The following PAX5 variants were observed in gnomAD, a reference collection of about 807,000 sequenced individuals.
PAX5 encodes paired box protein Pax-5.
PAX5 carries 9 observed loss-of-function variants against 43.7 expected under a neutral mutation model. The ratio of observed to expected loss-of-function variants is 0.21; its 90% confidence interval spans 0.12 to 0.36. The LOEUF is 0.36. Among genes scored for constraint, PAX5 ranks in the 10% least tolerant of loss-of-function variants. The probability of loss-of-function intolerance (pLI) is 1.00; values close to 1 mark genes in which losing one functional copy is unlikely to be tolerated. For synonymous variants in PAX5, 228 were observed against 214.3 expected, an observed-to-expected ratio of 1.06 and a Z score of -0.56; for missense variants, 383 against 532.7, an observed-to-expected ratio of 0.72 and a Z score of 2.77.
At chr9:37,004,337 G>A (rs1017855112) in intron 4 of PAX5, among the ~76,000 whole-genome samples, 2 of 152,334 alleles carry the variant, frequency 1.3e-5, no homozygotes, top group South Asian at 4.1e-4. Flanking sequence ...CCATTTCTGG[G>A]CTGTGGGAAT....
intron 7 of PAX5, among the ~76,000 whole-genome samples, chr9:36,888,347 A>C (rs185357450): frequency 2.8e-4 from 42 of 152,386 alleles, no homozygotes; most frequent in African/African-American, 9.4e-4. Flanking sequence ...CATGATAGCC[A>C]AAAAGTGGAA....
chr9:37,015,239 A>G lies in PAX5; in HGVS notation c.213-45T>C. On this transcript the variant is annotated intron_variant, in intron 2 of 9. Coordinates refer to ENST00000358127, the MANE Select transcript of PAX5 (RefSeq NM_016734.3). The surrounding 1 kb of genome is among the most constrained non-coding windows in gnomAD (Gnocchi z 4.4). ...AAGCTTAGCCATGAGGAACCAGTAA[A>G]GTGGATATTGGCAACAAAATAACGG... 1 of 1,549,252 alleles carries G rather than the reference A, an allele frequency of 6.5e-7. No individual in the cohort carries two copies. Among genetic ancestry groups the G allele is most frequent in the Non-Finnish European group, 8.9e-7 (1 of 1,121,948 alleles).
At chr9:36,893,862 C>T (rs767704884) in intron 7 of PAX5, among the ~76,000 whole-genome samples, 7 of 152,184 alleles carry the variant, frequency 4.6e-5, no homozygotes, top group Non-Finnish European at 5.9e-5. Context: ...AGGACGGTGA[C>T]GGTATGTCAC....
At chr9:36,900,652 C>A (rs534858596) in intron 7 of PAX5, among the ~76,000 whole-genome samples, 1 of 152,286 alleles carries the variant, frequency 6.6e-6, no homozygotes, top group South Asian at 2.1e-4. Flanking sequence ...GCGTCCTCCT[C>A]CATGGCGTCC....
At chr9:36,854,383 T>C (rs991349755) in intron 8 of PAX5, among the ~76,000 whole-genome samples, 4 of 152,182 alleles carry the variant, frequency 2.6e-5, no homozygotes, top group African/African-American at 9.7e-5. Context: ...TACGTAATAA[T>C]ATGTATAATA....
At chr9:37,000,529 C>T (rs1837755201) in intron 5 of PAX5, among the ~76,000 whole-genome samples, 2 of 152,176 alleles carry the variant, frequency 1.3e-5, no homozygotes, top group Non-Finnish European at 2.9e-5. Context: ...TAGGCAGGCA[C>T]ATCACTTGAA....
chr9:37,022,623 G>A (rs1379182067), intron 1 of PAX5, among the ~76,000 whole-genome samples: 1 of 152,144 alleles, frequency 6.6e-6, no homozygotes, highest in Non-Finnish European at 1.5e-5. Context: ...GAGACTTTCT[G>A]CCCAAAACAC....
intron 7 of PAX5, among the ~76,000 whole-genome samples, chr9:36,901,900 G>T (rs561032515): frequency 6.6e-6 from 1 of 152,274 alleles, no homozygotes; most frequent in South Asian, 2.1e-4. Context: ...TGTAGAGAGT[G>T]GTGCACATGC....
In PAX5 at chr9:36,846,895, A is replaced by T. The variant is rs2131591651; in HGVS notation, c.1047T>A (p.Pro349=). ...SEFSGSPYSH[P]QYSSYNDSWR... ...AGGAGTCGTTGTACGAGGAATACTG[A>T]GGGTGGCTGTAGGGACTCCCGGAAA... The change falls in exon 9 of 10, where the codon CCT becomes CCA. Residue 349 remains proline (P), a synonymous_variant. Transcript: ENST00000358127. The T allele has an allele frequency of 1.2e-6, 2 of 1,614,064 alleles. No individual in the cohort carries two copies. Among genetic ancestry groups the T allele is most frequent in the South Asian group, 1.1e-5 (1 of 91,074 alleles).
intron 5 of PAX5, among the ~76,000 whole-genome samples, chr9:36,983,985 A>C (rs1376340151): frequency 2.6e-5 from 4 of 152,210 alleles, no homozygotes; most frequent in African/African-American, 7.2e-5. Flanking sequence ...TTGATCATGA[A>C]TAGTAAAAGC....
chr9:37,031,315 TAC>T (rs957451647), intron 1 of PAX5, among the ~76,000 whole-genome samples: 22 of 152,212 alleles, frequency 1.4e-4, no homozygotes, highest in Admixed American at 2.6e-4. Flanking sequence ...GTTTGTTTAA[TAC>T]AGAGAACAAA....
At position 37,015,808 on chromosome 9, in the gene PAX5, G is replaced by T. The variant is rs60309871; in HGVS notation, c.213-614C>A. On this transcript the variant is annotated intron_variant, in intron 2 of 9. Coordinates refer to ENST00000358127, the MANE Select transcript of PAX5 (RefSeq NM_016734.3). The surrounding 1 kb of genome is among the most constrained non-coding windows in gnomAD (Gnocchi z 4.4). ...TTAGTCAGGCTGGTCTCGAACTCCCGACCTCAGGTTATCCGCCTGCCTCGG... is the reference window on the plus strand; with the variant it reads ...TTAGTCAGGCTGGTCTCGAACTCCCTACCTCAGGTTATCCGCCTGCCTCGG... Among the ~76,000 whole-genome samples the T allele has an allele frequency of 0.3, 45,604 of 151,796 alleles. 8,129 individuals carry two copies. The highest frequency in any genetic ancestry group is 0.41 in the Admixed American group (6,189 of 15,256).
chr9:36,880,940 C>T (rs1587853717), intron 8 of PAX5, among the ~76,000 whole-genome samples: 1 of 152,314 alleles, frequency 6.6e-6, no homozygotes, highest in East Asian at 1.9e-4. Flanking sequence ...AGATAAGGCC[C>T]TTAGAGCCCC....
At chr9:36,861,484 A>G (rs1408581039) in intron 8 of PAX5, 1 of 150,418 alleles carries the variant, frequency 6.6e-6, no homozygotes, top group Non-Finnish European at 1.5e-5. Context: ...AGAAAACATG[A>G]AGCAGGAGAC....
At chr9:36,965,732 G>C (rs1246813775) in intron 6 of PAX5, among the ~76,000 whole-genome samples, 1 of 152,232 alleles carries the variant, frequency 6.6e-6, no homozygotes, top group Non-Finnish European at 1.5e-5. Flanking sequence ...GGGTCTCTCT[G>C]GTTGGCCCAC....
intron 6 of PAX5, among the ~76,000 whole-genome samples, chr9:36,948,101 T>C (rs1832702097): frequency 6.6e-6 from 1 of 152,208 alleles, no homozygotes; most frequent in African/African-American, 2.4e-5. Context: ...CATATCGGCA[T>C]GGCTACCCTC....
At chr9:36,994,818 C>T (rs1262638484) in intron 5 of PAX5, among the ~76,000 whole-genome samples, 1 of 152,138 alleles carries the variant, frequency 6.6e-6, no homozygotes, top group Non-Finnish European at 1.5e-5. Context: ...ATGAAATTTC[C>T]TGATTTTGCA....
chr9:36,981,624 C>T lies in PAX5; in HGVS notation c.605-14900G>A, dbSNP rs140316954. Among the ~76,000 whole-genome samples, 503 of 152,276 alleles carry T rather than the reference C, an allele frequency of 3.3e-3. 2 individuals carry two copies. Among genetic ancestry groups the T allele is most frequent in the Non-Finnish European group, 4.6e-3 (312 of 68,016 alleles). Reference sequence around the variant, plus strand: ...AGGGAAAACAGTGGGGTCTCCCAGGCCTTACCTACCTCTGAGACCACAGTG... The same window carrying T: ...AGGGAAAACAGTGGGGTCTCCCAGGTCTTACCTACCTCTGAGACCACAGTG... On this transcript the variant is annotated intron_variant, in intron 5 of 9. Transcript: ENST00000358127.
chr9:36,909,009 G>T (rs879919768), intron 7 of PAX5, among the ~76,000 whole-genome samples: 3 of 152,132 alleles, frequency 2.0e-5, no homozygotes, highest in Admixed American at 1.3e-4. Context: ...TCTTCTACGT[G>T]CATTTTAATT....
Sources: allele counts gnomAD v4.1 joint callset (sites outside exome capture counted in the v4.1 genomes callset), GRCh38; gene constraint gnomAD v4.1.1; non-coding constraint Gnocchi (gnomAD v3.1); transcripts MANE v1.5; gene names NCBI Gene and HGNC (gene_info 2026-07-23, HGNC 2026-07-21).